LINGO2: variants seen among roughly 807,000 people sequenced by gnomAD.
LINGO2 encodes leucine-rich repeat and immunoglobulin-like domain-containing nogo receptor-interacting protein 2.
LINGO2 carries 14 observed loss-of-function variants against 30.6 expected under a neutral mutation model. The observed-to-expected ratio is 0.46, with a 90% CI of 0.30 to 0.72. The LOEUF (loss-of-function observed/expected upper bound fraction) is 0.72, where lower values mean the gene tolerates loss of function less well. Ranked by LOEUF, LINGO2 falls within the 30% of genes least tolerant of loss-of-function variation. The probability of loss-of-function intolerance (pLI) is 0.07; values close to 1 mark genes in which losing one functional copy is unlikely to be tolerated. For missense variants in LINGO2, 729 were observed against 751.7 expected, an observed-to-expected ratio of 0.97 and a Z score of 0.35; for synonymous variants, 317 against 288.5, an observed-to-expected ratio of 1.10 and a Z score of -1.00.
the LINGO2 span, among the ~76,000 whole-genome samples, chr9:29,152,654 G>A: frequency 6.6e-6 from 1 of 152,124 alleles, no homozygotes; most frequent in Non-Finnish European, 1.5e-5. Flanking sequence ...ACTATAGGAG[G>A]AAATGGGGAA....
At chr9:28,829,614 G>A in the LINGO2 span, among the ~76,000 whole-genome samples, 118 of 152,242 alleles carry the variant, frequency 7.8e-4, no homozygotes, top group African/African-American at 2.7e-3. Flanking sequence ...TTGGCCAGGC[G>A]CAGTGGCTCA....
At chr9:28,756,902 A>C in the LINGO2 span, among the ~76,000 whole-genome samples, 1 of 151,790 alleles carries the variant, frequency 6.6e-6, no homozygotes. Context: ...TCTTAGGCAG[A>C]TCACCTAAAT....
At chr9:28,939,110 A>G in the LINGO2 span, among the ~76,000 whole-genome samples, 6,260 of 152,240 alleles carry the variant, frequency 0.041, 194 homozygotes, top group Admixed American at 0.082. Context: ...GAGAACACAT[A>G]TAGTGCAAGA....
intron 4 of LINGO2, among the ~76,000 whole-genome samples, chr9:28,181,510 G>A (rs566615920): frequency 2.3e-3 from 355 of 152,250 alleles, no homozygotes; most frequent in Admixed American, 4.1e-3. Flanking sequence ...CAGTGAATTA[G>A]ACATGCCAGT....
chr9:28,414,087 A>G (rs1822878757), intron 2 of LINGO2, among the ~76,000 whole-genome samples: 1 of 152,032 alleles, frequency 6.6e-6, no homozygotes. Flanking sequence ...AATATTTTTG[A>G]CAAGTAAGTG....
At chr9:29,005,795 T>C in the LINGO2 span, among the ~76,000 whole-genome samples, 1 of 152,050 alleles carries the variant, frequency 6.6e-6, no homozygotes, top group Non-Finnish European at 1.5e-5. Context: ...TATGTATAAT[T>C]GGTCTTGTGC....
the LINGO2 span, among the ~76,000 whole-genome samples, chr9:29,082,754 C>A: frequency 6.6e-6 from 1 of 152,056 alleles, no homozygotes. Flanking sequence ...CAATCAAACC[C>A]ATCAACAAGT....
chr9:28,226,481 A>G (rs906155786), intron 4 of LINGO2, among the ~76,000 whole-genome samples: 1 of 151,992 alleles, frequency 6.6e-6, no homozygotes, highest in Non-Finnish European at 1.5e-5. Flanking sequence ...TACCAGGTAG[A>G]GTCTTTCTTA....
At chr9:28,688,255 C>G in the LINGO2 span, among the ~76,000 whole-genome samples, 2 of 152,056 alleles carry the variant, frequency 1.3e-5, no homozygotes, top group Non-Finnish European at 2.9e-5. Flanking sequence ...TTCATTAGTC[C>G]CTTAAATAGC....
the LINGO2 span, among the ~76,000 whole-genome samples, chr9:29,006,087 AAT>A: frequency 6.6e-6 from 1 of 151,668 alleles, no homozygotes; most frequent in African/African-American, 2.4e-5. Flanking sequence ...CTTTTATTTT[AAT>A]ATATGTTTCA....
the LINGO2 span, among the ~76,000 whole-genome samples, chr9:29,045,570 A>G: frequency 6.7e-6 from 1 of 150,224 alleles, no homozygotes; most frequent in South Asian, 2.1e-4. Context: ...AAGATCCAAC[A>G]TCCCTTCATG....
intron 4 of LINGO2, among the ~76,000 whole-genome samples, chr9:28,082,039 C>T (rs1423549591): frequency 6.6e-6 from 1 of 152,130 alleles, no homozygotes; most frequent in Non-Finnish European, 1.5e-5. Context: ...ATCATAAAAA[C>T]CTCTATTAGA....
intron 3 of LINGO2, among the ~76,000 whole-genome samples, chr9:28,327,810 TAA>T (rs757840132): frequency 7.9e-5 from 12 of 151,814 alleles, no homozygotes; most frequent in Non-Finnish European, 1.3e-4. Context: ...CACTCATCAA[TAA>T]AAAAAGTCAT....
the LINGO2 span, among the ~76,000 whole-genome samples, chr9:28,738,606 T>G: frequency 1.3e-5 from 2 of 152,050 alleles, no homozygotes; most frequent in Non-Finnish European, 2.9e-5. Flanking sequence ...CCAAAAAAAG[T>G]ACTCACTACA....
At chr9:28,731,748 T>C in the LINGO2 span, among the ~76,000 whole-genome samples, 1 of 152,166 alleles carries the variant, frequency 6.6e-6, no homozygotes, top group Non-Finnish European at 1.5e-5. Context: ...AGTATGAATA[T>C]AGCTGGGAAA....
rs375898180 is a variant in LINGO2, at chr9:28,157,340, C to G, written c.-87+137868G>C. Among the ~76,000 whole-genome samples, 23 of 152,194 alleles carry G rather than the reference C, an allele frequency of 1.5e-4. No individual in the cohort carries two copies. In the South Asian group the frequency reaches 3.3e-3, roughly 22 times the overall value. ...CCATGGTCCAAGCTCTACATTGACCCCTTTCAGCCACAGCTGGAGCAGCTG... is the reference window on the plus strand; with the variant it reads ...CCATGGTCCAAGCTCTACATTGACCGCTTTCAGCCACAGCTGGAGCAGCTG... On this transcript the variant is annotated intron_variant, in intron 4 of 5. Transcript: ENST00000379992.
At chr9:28,178,450 G>C (rs553563894) in intron 4 of LINGO2, among the ~76,000 whole-genome samples, 1 of 151,578 alleles carries the variant, frequency 6.6e-6, no homozygotes, top group South Asian at 2.1e-4. Context: ...TGTTAAATAT[G>C]GTTAAAAAAA....
At chr9:28,818,771 G>T in the LINGO2 span, among the ~76,000 whole-genome samples, 2 of 152,022 alleles carry the variant, frequency 1.3e-5, no homozygotes, top group African/African-American at 2.4e-5. Flanking sequence ...CAAACCTTAA[G>T]GAGATAAACT....
chr9:28,040,351 G>GGAA (rs1279946244), intron 4 of LINGO2, among the ~76,000 whole-genome samples: 1 of 151,668 alleles, frequency 6.6e-6, no homozygotes, highest in Non-Finnish European at 1.5e-5. Flanking sequence ...CTGCTGAATT[G>GGAA]GAAGGTTCCT....
Sources: allele counts gnomAD v4.1 joint callset (sites outside exome capture counted in the v4.1 genomes callset), GRCh38; gene constraint gnomAD v4.1.1; transcripts MANE v1.5; gene names NCBI Gene and HGNC (gene_info 2026-07-23, HGNC 2026-07-21).